The following KATNIP variants were observed in gnomAD, a reference collection of about 807,000 sequenced individuals.
KATNIP encodes the protein katanin-interacting protein.
KATNIP carries 126 observed loss-of-function variants against 174.0 expected under a neutral mutation model. The observed-to-expected ratio is 0.72, with a 90% confidence interval of 0.63 to 0.84. The LOEUF (loss-of-function observed/expected upper bound fraction) is 0.84. Ranked by LOEUF, KATNIP falls within the 40% of genes least tolerant of loss-of-function variation. The pLI is 0.00. For missense variants in KATNIP, 1,958 were observed against 2,109.7 expected (o/e 0.93, Z 1.41); for synonymous variants, 810 against 835.7 (o/e 0.97, Z 0.53).
intron 1 of KATNIP, among the ~76,000 whole-genome samples, chr16:27,566,108 A>G (rs537128468): frequency 6.6e-6 from 1 of 151,502 alleles, no homozygotes; most frequent in South Asian, 2.1e-4. Flanking sequence ...TGATAGGATT[A>G]CAGGCATGAG....
chr16:27,681,260 C>A, intron 7 of KATNIP, 139 bp from the exon 8 acceptor site: 1 of 1,118,422 alleles, frequency 8.9e-7, no homozygotes, highest in Non-Finnish European at 1.3e-6. Context: ...TTATTCACAT[C>A]TCTAATCCCA....
At chr16:27,745,678 T>C (rs948496587) in intron 15 of KATNIP, among the ~76,000 whole-genome samples, 1 of 152,238 alleles carries the variant, frequency 6.6e-6, no homozygotes, top group Admixed American at 6.5e-5. Flanking sequence ...ACTTCAGAGC[T>C]CCATAGTCCT....
intron 5 of KATNIP, among the ~76,000 whole-genome samples, chr16:27,643,582 C>A (rs1243464929): frequency 1.6e-4 from 15 of 95,408 alleles, no homozygotes; most frequent in Non-Finnish European, 2.4e-4. Context: ...CAGAGTGAGA[C>A]TCTGTCTCAA....
At chr16:27,693,506 A>G (rs989021887) in intron 8 of KATNIP, among the ~76,000 whole-genome samples, 4 of 152,136 alleles carry the variant, frequency 2.6e-5, no homozygotes, top group Non-Finnish European at 5.9e-5. Flanking sequence ...CTCCTGCCTC[A>G]GCCTCCCAAG....
intron 2 of KATNIP, among the ~76,000 whole-genome samples, chr16:27,608,104 G>T (rs1049488082): frequency 1.3e-5 from 2 of 152,064 alleles, no homozygotes; most frequent in African/African-American, 4.8e-5. Context: ...TGGCCTCAGA[G>T]GAATACGTGA....
chr16:27,659,973 T>A, intron 6 of KATNIP: 1 of 983,976 alleles, frequency 1.0e-6, no homozygotes, highest in Non-Finnish European at 1.2e-6. Flanking sequence ...TACAACACTG[T>A]GGTTTATTTG....
chr16:27,612,879 G>GT (rs1462772060), intron 2 of KATNIP, among the ~76,000 whole-genome samples: 1 of 152,274 alleles, frequency 6.6e-6, no homozygotes, highest in African/African-American at 2.4e-5. Context: ...GGAGGCTGAA[G>GT]TGGGAGGATC....
At chr16:27,653,207 GT>G (rs2077170040) in intron 6 of KATNIP, among the ~76,000 whole-genome samples, 1 of 152,172 alleles carries the variant, frequency 6.6e-6, no homozygotes, top group Non-Finnish European at 1.5e-5. Context: ...CCCAAGTTTA[GT>G]TACCTCTGAA....
At chr16:27,597,950 G>A (rs554756164) in intron 2 of KATNIP, among the ~76,000 whole-genome samples, 4 of 152,254 alleles carry the variant, frequency 2.6e-5, no homozygotes, top group Admixed American at 6.5e-5. Flanking sequence ...CATTTGGGCC[G>A]GGCATGGTGG....
chr16:27,654,826 G>T, intron 6 of KATNIP: 3 of 1,227,262 alleles, frequency 2.4e-6, no homozygotes, highest in South Asian at 1.2e-5. Flanking sequence ...TGGACTCCGT[G>T]AGAGAGTCTA....
chr16:27,591,372 A>T lies in KATNIP; in HGVS notation c.63+17416A>T, dbSNP rs183918412. ...GATAATTTTTGTATTTTTAGTGCAG[A>T]TGTGGTTTCACCATCTTGGCCAGGA... On this transcript the variant is annotated intron_variant, in intron 2 of 27. Transcript: ENST00000261588. Among the ~76,000 whole-genome samples the T allele has an allele frequency of 5.8e-4, 88 of 152,196 alleles. 1 individual carries two copies. The East Asian group carries it at 7.9e-3, about 14-fold the overall frequency.
intron 8 of KATNIP, among the ~76,000 whole-genome samples, chr16:27,694,556 G>C (rs2142941806): frequency 6.6e-6 from 1 of 152,238 alleles, no homozygotes; most frequent in African/African-American, 2.4e-5. Context: ...AGCACTTTGG[G>C]AGGCCGAGGT....
chr16:27,681,664 CAG>C, intron 8 of KATNIP, 134 bp downstream of exon 8: 2 of 921,370 alleles, frequency 2.2e-6, no homozygotes, highest in African/African-American at 1.6e-5. Context: ...ATGTATTAGT[CAG>C]GGGTCTGCAG....
intron 14 of KATNIP, among the ~76,000 whole-genome samples, chr16:27,739,094 C>T (rs971447515): frequency 2.6e-5 from 4 of 152,022 alleles, no homozygotes; most frequent in Admixed American, 6.6e-5. Flanking sequence ...GCAGAGAGAC[C>T]AATTAGGAGG....
At chr16:27,613,587 A>G (rs1256188709) in intron 2 of KATNIP, among the ~76,000 whole-genome samples, 1 of 152,232 alleles carries the variant, frequency 6.6e-6, no homozygotes, top group Non-Finnish European at 1.5e-5. Flanking sequence ...GCCTTGGAGC[A>G]GCATCTGTGT....
At chr16:27,655,177 G>GAGATATAT (rs2077229340) in intron 6 of KATNIP, among the ~76,000 whole-genome samples, 3 of 38,548 alleles carry the variant, frequency 7.8e-5, no homozygotes, top group South Asian at 1.1e-3. Flanking sequence ...CCCTAGAATG[G>GAGATATAT]ATATATATAT....
intron 5 of KATNIP, among the ~76,000 whole-genome samples, chr16:27,633,255 A>G (rs1310565976): frequency 6.6e-6 from 1 of 152,024 alleles, no homozygotes; most frequent in Non-Finnish European, 1.5e-5. Flanking sequence ...CTCAGCCCTG[A>G]CTGTACATTT....
At chr16:27,554,157 G>GT (rs1170423517) in intron 1 of KATNIP, among the ~76,000 whole-genome samples, 6 of 152,102 alleles carry the variant, frequency 3.9e-5, no homozygotes, top group Admixed American at 3.9e-4. Context: ...CCATTGCTTT[G>GT]TGTCATAAGT....
chr16:27,700,506 T>A (rs1479848979), intron 10 of KATNIP, among the ~76,000 whole-genome samples: 5 of 152,122 alleles, frequency 3.3e-5, no homozygotes, highest in Non-Finnish European at 7.4e-5. Flanking sequence ...CAGAGAGCGA[T>A]GACAATCACA....
Sources: allele counts gnomAD v4.1 joint callset (sites outside exome capture counted in the v4.1 genomes callset), GRCh38; gene constraint gnomAD v4.1.1; transcripts MANE v1.5; gene names NCBI Gene and HGNC (gene_info 2026-07-23, HGNC 2026-07-21).